The following CELSR1 variants were observed in gnomAD, a reference collection of about 807,000 sequenced individuals.
CELSR1 encodes adhesion G protein-coupled receptor C1.
A neutral mutation model predicts 249.1 loss-of-function variants in CELSR1; 110 were observed. The ratio of observed to expected loss-of-function variants is 0.44; its 90% CI spans 0.38 to 0.52. The LOEUF (loss-of-function observed/expected upper bound fraction) is 0.52, where lower values mean the gene tolerates loss of function less well. Ranked by LOEUF, CELSR1 falls within the 20% of genes least tolerant of loss-of-function variation. CELSR1 has a pLI of 0.00. For synonymous variants in CELSR1, 2,113 were observed against 1,900.0 expected, an observed-to-expected ratio of 1.11 and a Z score of -2.92; for missense variants, 4,109 against 4,296.4, an observed-to-expected ratio of 0.96 and a Z score of 1.22.
intron 1 of CELSR1, among the ~76,000 whole-genome samples, chr22:46,485,175 G>A (rs1278227655): frequency 6.6e-6 from 1 of 152,048 alleles, no homozygotes; most frequent in Non-Finnish European, 1.5e-5. Context: ...GCAGCTTCGA[G>A]GTTTTTCTGT....
chr22:46,522,342 C>A (rs1223559846), intron 1 of CELSR1, among the ~76,000 whole-genome samples: 1 of 152,148 alleles, frequency 6.6e-6, no homozygotes, highest in Non-Finnish European at 1.5e-5. Flanking sequence ...AATTCCTCGG[C>A]TCAAGCAATC....
chr22:46,385,674 A>ATTTTTTTT (rs747955777), intron 19 of CELSR1, among the ~76,000 whole-genome samples: 2 of 132,240 alleles, frequency 1.5e-5, no homozygotes, highest in Non-Finnish European at 3.2e-5. Context: ...CCTGCCGAAT[A>ATTTTTTTT]TTTTTTTTTT....
In CELSR1 at chr22:46,448,138, C is replaced by CGGCTTCAGCAAACA. The variant is rs2079841683; in HGVS notation, c.4184-8728_4184-8727insTGTTTGCTGAAGCC. On this transcript the variant is annotated intron_variant, in intron 2 of 34. Coordinates refer to ENST00000674500, the MANE Select transcript of CELSR1 (RefSeq NM_001378328.1). This position sits in a 1 kb window ranked among gnomAD's most constrained non-coding sequence, Gnocchi z 5.7. ...CCTGGCTTCACAGGGCTTCAGCAAA[C>CGGCTTCAGCAAACA]GGCTTACCTGCTGCAGGCGGGGGCT... 6.6e-6 allele frequency among the ~76,000 whole-genome samples: 1 copy of CGGCTTCAGCAAACA among 152,216 alleles called. No homozygotes were observed. The highest frequency in any genetic ancestry group is 1.5e-5 in the Non-Finnish European group (1 of 68,036).
rs144782066 is a variant in CELSR1 at position 46,533,980 on chromosome 22, A to G, written c.3191T>C (p.Phe1064Ser). 10 of 1,613,532 alleles carry G rather than the reference A, an allele frequency of 6.2e-6. No individual in the cohort carries two copies. Among genetic ancestry groups the G allele is most frequent in the Non-Finnish European group, 2.5e-6 (3 of 1,180,014 alleles). ...CAGCACATACTCCCGCCGGACCTCA[A>G]AGTCCAGCTCCACCATGGCACGCAG... ...GDLRAMVELDFEVRREYVLVV... is the reference protein window; with the variant it reads ...GDLRAMVELDSEVRREYVLVV... Residue 1064 changes from phenylalanine to serine, a missense_variant, in exon 1 of 35, where the codon TTT (phenylalanine) becomes TCT (serine). Around this residue, in one of 7 missense-constraint regions of CELSR1, gnomAD observed 886 missense variants for 896.5 expected, o/e 0.99. Coordinates refer to ENST00000674500, the MANE Select transcript of CELSR1 (RefSeq NM_001378328.1).
chr22:46,418,265 G>A (rs1479141820), intron 5 of CELSR1, among the ~76,000 whole-genome samples: 1 of 152,180 alleles, frequency 6.6e-6, no homozygotes, highest in African/African-American at 2.4e-5. Flanking sequence ...CGGATCACTT[G>A]CAGTCAGGAG....
chr22:46,436,344 T>C lies in CELSR1; in HGVS notation c.4407-55A>G. 7.3e-7 allele frequency: 1 copy of C among 1,375,114 alleles called. No individual in the cohort carries two copies. The highest frequency in any genetic ancestry group is 1.8e-5 in the Admixed American group (1 of 56,608). 85.2% of individuals were successfully genotyped at this position (1,375,114 alleles called of 1,614,324 possible). ...GATGAAGACCCCAGGGTCCAAAGGC[T>C]GCCTAGGAATGACAAGTCCAGCCGG... On this transcript the variant is annotated intron_variant, in intron 3 of 34. Transcript: ENST00000674500. The surrounding 1 kb of genome is among the most constrained non-coding windows in gnomAD (Gnocchi z 5.9).
chr22:46,537,454 G>T lies in CELSR1; in HGVS notation c.-284C>A, dbSNP rs1417896717. Among the ~76,000 whole-genome samples the T allele has an allele frequency of 6.7e-6, 1 of 149,398 alleles. No individual in the cohort carries two copies. The highest frequency in any genetic ancestry group is 1.5e-5 in the Non-Finnish European group (1 of 67,192). ...GCGCCGCGCATCAACCTGCGGCGGC[G>T]GCGGCGGCTCCAGGCGGCTCCAGGT... On this transcript the variant is annotated 5_prime_UTR_variant, in exon 1 of 35. Transcript: ENST00000674500. The surrounding 1 kb of genome is among the most constrained non-coding windows in gnomAD (Gnocchi z 5.8).
intron 1 of CELSR1, among the ~76,000 whole-genome samples, chr22:46,482,151 T>C (rs896717329): frequency 8.5e-5 from 13 of 152,210 alleles, no homozygotes; most frequent in African/African-American, 3.1e-4. Context: ...AAGAGCTGCA[T>C]GTCTCAATCC....
At chr22:46,489,729 A>G (rs957302331) in intron 1 of CELSR1, among the ~76,000 whole-genome samples, 15 of 151,976 alleles carry the variant, frequency 9.9e-5, no homozygotes, top group Non-Finnish European at 1.9e-4. Flanking sequence ...CCTGGCCAAC[A>G]TGGTGAAACC....
chr22:46,444,929 G>A (rs1383201009), intron 2 of CELSR1, among the ~76,000 whole-genome samples: 1 of 152,214 alleles, frequency 6.6e-6, no homozygotes, highest in African/African-American at 2.4e-5. Context: ...CACCAGGCCG[G>A]GAGCGGTGGC....
At chr22:46,483,659 T>A (rs1460555237) in intron 1 of CELSR1, among the ~76,000 whole-genome samples, 1 of 152,074 alleles carries the variant, frequency 6.6e-6, no homozygotes, top group Non-Finnish European at 1.5e-5. Context: ...TGCTATTGCC[T>A]CTCCAACCAC....
intron 1 of CELSR1, among the ~76,000 whole-genome samples, chr22:46,505,261 C>CA (rs3081585): frequency 0.2 from 12,627 of 62,404 alleles, 1,803 homozygotes; most frequent in African/African-American, 0.29. Context: ...GACTCTGTCT[C>CA]AAAAAAAAAA....
intron 18 of CELSR1, among the ~76,000 whole-genome samples, 178 bp from the exon 19 acceptor site, chr22:46,386,763 T>G (rs930397141): frequency 6.8e-6 from 1 of 146,932 alleles, no homozygotes; most frequent in African/African-American, 2.7e-5. Context: ...TTTTTTGTGT[T>G]TTTTTTTGAG....
intron 4 of CELSR1, among the ~76,000 whole-genome samples, chr22:46,435,162 G>C (rs920317838): frequency 6.6e-6 from 1 of 151,310 alleles, no homozygotes; most frequent in Non-Finnish European, 1.5e-5. Context: ...ATATTGCCCA[G>C]GCTGGTCTTG....
rs543444688 is a variant in CELSR1 at position 46,481,866 on chromosome 22, G to A, written c.3545-17521C>T. ...CAGCTCACTGCAACCTCTGCCTCCC[G>A]GGTTCAAGAGATTCTCCTGCCTCAG... On this transcript the variant is annotated intron_variant, in intron 1 of 34. Transcript: ENST00000674500. The A allele has an allele frequency of 6.3e-5, 12 of 191,180 alleles. 1 individual carries two copies. The South Asian group carries it at 1.1e-3, about 17-fold the overall frequency. 11.8% of individuals were successfully genotyped at this position (191,180 alleles called of 1,614,324 possible).
In CELSR1 at chr22:46,364,717, G is replaced by A. The variant is rs551600685; in HGVS notation, c.8574C>T (p.His2858=). 58 of 1,612,236 alleles carry A rather than the reference G, an allele frequency of 3.6e-5. No individual in the cohort carries two copies. In the East Asian group the frequency reaches 4.2e-4, roughly 12 times the overall value. ...STPKGDAVAN[H]VPAGWPDQSL... The stretch of plus-strand genomic sequence containing the variant: ...TCTGGTCGGGCCAGCCGGCCGGAAC[G>A]TGGTTGGCCACAGCGTCCCCTGAGG... The change falls in exon 33 of 35, where the codon CAC becomes CAT. Residue 2858 remains histidine, a synonymous_variant. Coordinates refer to ENST00000674500, the MANE Select transcript of CELSR1 (RefSeq NM_001378328.1).
intron 1 of CELSR1, among the ~76,000 whole-genome samples, chr22:46,505,155 G>A (rs928689518): frequency 4.6e-5 from 7 of 151,508 alleles, no homozygotes; most frequent in Non-Finnish European, 1.0e-4. Context: ...CCAGCTACTC[G>A]GGAGGCTGAG....
intron 19 of CELSR1, 116 bp from the exon 20 acceptor site, chr22:46,384,802 A>T: frequency 8.5e-7 from 1 of 1,171,622 alleles, no homozygotes; most frequent in Non-Finnish European, 1.2e-6. Flanking sequence ...TTATTTATTT[A>T]TTTTTGAGGT....
chr22:46,414,380 G>A (rs990885267), intron 5 of CELSR1, among the ~76,000 whole-genome samples: 14 of 152,234 alleles, frequency 9.2e-5, no homozygotes, highest in African/African-American at 3.1e-4. Context: ...GAGGAGCGGG[G>A]GGATCTGTGG....
Sources: allele counts gnomAD v4.1 joint callset (sites outside exome capture counted in the v4.1 genomes callset), GRCh38; gene constraint gnomAD v4.1.1; regional missense constraint gnomAD v4.1.1; non-coding constraint Gnocchi (gnomAD v3.1); transcripts MANE v1.5; gene names NCBI Gene and HGNC (gene_info 2026-07-23, HGNC 2026-07-21).